The following ACSL3 variants were observed in gnomAD, a reference collection of about 807,000 sequenced individuals.
ACSL3 encodes the protein fatty acid CoA ligase Acsl3.
In ACSL3, 34 loss-of-function variants were observed where a neutral mutation model predicts 84.7. The observed-to-expected ratio is 0.40, with a 90% CI of 0.31 to 0.53. The LOEUF is 0.53. Ranked by LOEUF, ACSL3 falls within the 20% of genes least tolerant of loss-of-function variation. The probability of loss-of-function intolerance (pLI) is 0.48; values close to 1 mark genes in which losing one functional copy is unlikely to be tolerated. For missense variants in ACSL3, 680 were observed against 873.1 expected (o/e 0.78, Z 2.79); for synonymous variants, 315 against 299.4 (o/e 1.05, Z -0.54).
At chr2:222,895,154 C>G (rs1258403967) in intron 2 of ACSL3, among the ~76,000 whole-genome samples, 1 of 152,156 alleles carries the variant, frequency 6.6e-6, no homozygotes, top group Non-Finnish European at 1.5e-5. Flanking sequence ...TTCATTCTGC[C>G]ACTCTCCTAG....
chr2:222,922,470 A>G (rs566898314), intron 8 of ACSL3, among the ~76,000 whole-genome samples: 2 of 152,178 alleles, frequency 1.3e-5, no homozygotes, highest in Non-Finnish European at 2.9e-5. Context: ...CCTTCCTGCA[A>G]GTGTGCGCCT....
Position 222,934,684 on chromosome 2 carries a change from T to C in ACSL3, c.2002T>C (p.Ser668Pro). 1 of 1,607,568 alleles carries C rather than the reference T, an allele frequency of 6.2e-7. No individual in the cohort carries two copies. Among genetic ancestry groups the C allele is most frequent in the Non-Finnish European group, 8.5e-7 (1 of 1,177,980 alleles). The stretch of plus-strand genomic sequence containing the variant: ...TAAAGTGCTTTCCGAAGCTGCTATT[T>C]CAGGTGAGTATTCGGTTAAACTGAT... The part of the protein sequence containing the change: ...VLKVLSEAAI[S>P]ASLEKFEIPV... Residue 668 changes from serine (S) to proline (P), a missense_variant, in exon 16 of 17, where the codon TCA becomes CCA. Physicochemically the swap from Ser to Pro is moderately conservative, Grantham distance 74. Coordinates refer to ENST00000357430, the MANE Select transcript of ACSL3 (RefSeq NM_004457.5).
intron 1 of ACSL3, among the ~76,000 whole-genome samples, chr2:222,871,163 G>A (rs1358254029): frequency 6.6e-6 from 1 of 152,170 alleles, no homozygotes; most frequent in Non-Finnish European, 1.5e-5. Flanking sequence ...CAGGGCAAGG[G>A]AAGGGAACAT....
At chr2:222,933,798 GTTGACATGAATTATTA>G (rs1697098673) in intron 15 of ACSL3, 1 of 152,282 alleles carries the variant, frequency 6.6e-6, no homozygotes, top group African/African-American at 2.4e-5. Context: ...GTCTACGACA[GTTGACATGAATTATTA>G]TGGGAAAATA....
intron 3 of ACSL3, among the ~76,000 whole-genome samples, chr2:222,907,245 G>C (rs1696316313): frequency 6.6e-6 from 1 of 152,164 alleles, no homozygotes; most frequent in Non-Finnish European, 1.5e-5. Flanking sequence ...TGATGCATCT[G>C]GGGTAGAGCT....
chr2:222,885,632 GA>G (rs1006670711), intron 1 of ACSL3, among the ~76,000 whole-genome samples: 1 of 152,142 alleles, frequency 6.6e-6, no homozygotes, highest in Non-Finnish European at 1.5e-5. Flanking sequence ...TTAATAACAA[GA>G]AGATTTCTAA....
chr2:222,930,700 CA>C lies in ACSL3; in HGVS notation c.1625del (p.Asn542MetfsTer33). The C allele has an allele frequency of 6.2e-7, 1 of 1,614,012 alleles. No homozygotes were observed. The highest frequency in any genetic ancestry group is 8.5e-7 in the Non-Finnish European group (1 of 1,179,962). ...GGQSVTMGYYKNEAKTKADFF... is the reference protein window; with the variant it reads ...GGQSVTMGYYXNEAKTKADFF... ...GCCAAAGTGTGACAATGGGGTACTA[CA>C]AAAATGAAGCAAAAACAAAAGCTGA... On this transcript the variant is annotated frameshift_variant, in exon 14 of 17. Coordinates refer to ENST00000357430, the MANE Select transcript of ACSL3 (RefSeq NM_004457.5). LOFTEE classifies it high-confidence loss of function.
intron 4 of ACSL3, chr2:222,909,837 T>A (rs868641816): frequency 1.3e-5 from 2 of 152,276 alleles, no homozygotes; most frequent in African/African-American, 4.8e-5. Context: ...GCTTTACATA[T>A]ATCATCTTAA....
Position 222,944,090 on chromosome 2 carries a change from G to A in ACSL3, c.*2436G>A, listed in dbSNP as rs1392231310. The A allele has an allele frequency of 6.6e-6, 1 of 152,086 alleles. No individual in the cohort carries two copies. The highest frequency in any genetic ancestry group is 1.5e-5 in the Non-Finnish European group (1 of 67,960). 9.4% of individuals were successfully genotyped at this position (152,086 alleles called of 1,614,324 possible). On this transcript the variant is annotated 3_prime_UTR_variant, in exon 17 of 17. Transcript: ENST00000357430. Reference sequence around the variant, plus strand: ...TGCTCCTCCACTGACATCCTTCTTAGCAGAAACTTCATGAAAAAGTTTTTG... The same window carrying A: ...TGCTCCTCCACTGACATCCTTCTTAACAGAAACTTCATGAAAAAGTTTTTG...
At chr2:222,925,342 C>CAAAAAAAAAA (rs34016050) in intron 11 of ACSL3, among the ~76,000 whole-genome samples, 1 of 85,498 alleles carries the variant, frequency 1.2e-5, no homozygotes. Flanking sequence ...ACTCTTGTCT[C>CAAAAAAAAAA]AAAAAAAAAA....
At chr2:222,935,150 G>C (rs1226950406) in intron 16 of ACSL3, among the ~76,000 whole-genome samples, 1 of 152,144 alleles carries the variant, frequency 6.6e-6, no homozygotes, top group Non-Finnish European at 1.5e-5. Flanking sequence ...TGTGTCTTTT[G>C]AGTTGTTGTG....
At chr2:222,873,106 C>G (rs1227340254) in intron 1 of ACSL3, among the ~76,000 whole-genome samples, 1 of 152,064 alleles carries the variant, frequency 6.6e-6, no homozygotes, top group African/African-American at 2.4e-5. Context: ...TCAGTTACTA[C>G]AAAAAGTTTA....
At chr2:222,889,354 A>G (rs1219712156) in intron 2 of ACSL3, among the ~76,000 whole-genome samples, 1 of 152,180 alleles carries the variant, frequency 6.6e-6, no homozygotes, top group Non-Finnish European at 1.5e-5. Context: ...AATTTTGCCT[A>G]AAAAGAGAAA....
chr2:222,874,181 C>A (rs922366278), intron 1 of ACSL3, among the ~76,000 whole-genome samples: 12 of 152,214 alleles, frequency 7.9e-5, no homozygotes, highest in African/African-American at 2.9e-4. Context: ...CACCACCACA[C>A]CCGGCTCATT....
chr2:222,939,168 A>T (rs77518884), intron 16 of ACSL3, among the ~76,000 whole-genome samples: 1 of 151,246 alleles, frequency 6.6e-6, no homozygotes, highest in East Asian at 1.9e-4. Flanking sequence ...GTGTTTTTCT[A>T]TTTCTTTGTA....
At chr2:222,934,407 C>A in intron 15 of ACSL3, 123 bp from the exon 16 acceptor site, 1 of 720,906 alleles carries the variant, frequency 1.4e-6, no homozygotes, top group Non-Finnish European at 2.0e-6. Context: ...ATGCCAGTGC[C>A]AAGTATGGCA....
chr2:222,876,062 TG>T, intron 1 of ACSL3, among the ~76,000 whole-genome samples: 1 of 152,320 alleles, frequency 6.6e-6, no homozygotes, highest in South Asian at 2.1e-4. Context: ...CAAAGTGTTT[TG>T]GGTTCTTAGA....
intron 16 of ACSL3, among the ~76,000 whole-genome samples, chr2:222,940,472 TG>T (rs1697273701): frequency 6.6e-6 from 1 of 150,666 alleles, no homozygotes; most frequent in African/African-American, 2.4e-5. Context: ...TGCTGGAACT[TG>T]TCTTTTTTTT....
At chr2:222,924,105 T>C (rs561133039) in intron 10 of ACSL3, among the ~76,000 whole-genome samples, 155 of 152,370 alleles carry the variant, frequency 1.0e-3, no homozygotes, top group African/African-American at 3.7e-3. Context: ...GTTGTTCGTT[T>C]ATTTTGTGAG....
Sources: allele counts gnomAD v4.1 joint callset (sites outside exome capture counted in the v4.1 genomes callset), GRCh38; gene constraint gnomAD v4.1.1; transcripts MANE v1.5; gene names NCBI Gene and HGNC (gene_info 2026-07-23, HGNC 2026-07-21).